HEMK2: variants seen among roughly 807,000 people sequenced by gnomAD.
HEMK2 encodes the protein methyltransferase HEMK2.
the HEMK2 span, among the ~76,000 whole-genome samples, chr21:28,740,817 CT>C: frequency 6.6e-6 from 1 of 152,186 alleles, no homozygotes; most frequent in Admixed American, 6.5e-5. Flanking sequence ...TTCTGCCCAA[CT>C]TCCTGGGCAG....
At chr21:28,779,814 C>T in the HEMK2 span, among the ~76,000 whole-genome samples, 7 of 152,132 alleles carry the variant, frequency 4.6e-5, no homozygotes, top group Non-Finnish European at 1.0e-4. Context: ...AAATACTCAC[C>T]TGAGACTTAG....
chr21:28,666,907 T>C, the HEMK2 span, among the ~76,000 whole-genome samples: 1 of 152,084 alleles, frequency 6.6e-6, no homozygotes, highest in Non-Finnish European at 1.5e-5. Flanking sequence ...AAAAAACTAG[T>C]TGTTATGCAG....
chr21:28,650,260 T>C, the HEMK2 span, among the ~76,000 whole-genome samples: 1 of 152,130 alleles, frequency 6.6e-6, no homozygotes, highest in East Asian at 1.9e-4. Flanking sequence ...CTGGGCGTGG[T>C]GGCAGGTGCC....
the HEMK2 span, among the ~76,000 whole-genome samples, chr21:28,578,995 A>G: frequency 5.9e-5 from 9 of 152,190 alleles, no homozygotes; most frequent in Admixed American, 5.2e-4. Flanking sequence ...TGGGAAAAAA[A>G]TGTTCTTTTG....
chr21:28,830,183 T>C, the HEMK2 span, among the ~76,000 whole-genome samples: 1 of 152,196 alleles, frequency 6.6e-6, no homozygotes, highest in East Asian at 1.9e-4. Flanking sequence ...TTTGATATGG[T>C]TTGGCTCTGT....
the HEMK2 span, among the ~76,000 whole-genome samples, chr21:28,717,806 T>C: frequency 7.2e-5 from 11 of 152,164 alleles, no homozygotes; most frequent in South Asian, 2.3e-3. Flanking sequence ...TTGTGCTTAT[T>C]TGGATCTTCT....
chr21:28,837,519 C>G, the HEMK2 span, among the ~76,000 whole-genome samples: 1 of 152,136 alleles, frequency 6.6e-6, no homozygotes, highest in Non-Finnish European at 1.5e-5. Context: ...TACCACTTAT[C>G]AAAACCTCTG....
chr21:28,831,446 A>AAAAGAAAGAAAGAAAGAAAGAAAG, the HEMK2 span, among the ~76,000 whole-genome samples: 2 of 86,416 alleles, frequency 2.3e-5, no homozygotes. Flanking sequence ...CTCTATCTCA[A>AAAAGAAAGAAAGAAAGAAAGAAAG]AAAGAAAGAA....
chr21:28,865,795 A>G, the HEMK2 span, among the ~76,000 whole-genome samples: 2 of 72,864 alleles, frequency 2.7e-5, no homozygotes, highest in African/African-American at 9.6e-5. Flanking sequence ...GCCATTATCA[A>G]TTCTAGGATG....
chr21:28,771,518 A>ACCCGCCCC, the HEMK2 span, among the ~76,000 whole-genome samples: 1 of 105,594 alleles, frequency 9.5e-6, no homozygotes. Flanking sequence ...AAGATGCACC[A>ACCCGCCCC]CCCCCCCCCG....
the HEMK2 span, among the ~76,000 whole-genome samples, chr21:28,840,813 A>G: frequency 6.6e-6 from 1 of 151,108 alleles, no homozygotes; most frequent in Non-Finnish European, 1.5e-5. Flanking sequence ...AACTAAAAGT[A>G]GAAATACCAT....
At chr21:28,602,443 A>C in the HEMK2 span, among the ~76,000 whole-genome samples, 3 of 152,290 alleles carry the variant, frequency 2.0e-5, no homozygotes, top group South Asian at 4.1e-4. Flanking sequence ...TGTATTCTAC[A>C]TTTTGTGCAT....
the HEMK2 span, among the ~76,000 whole-genome samples, chr21:28,669,217 G>A: frequency 3.4e-4 from 52 of 152,246 alleles, no homozygotes; most frequent in Admixed American, 1.3e-3. Flanking sequence ...AAATTAGCCA[G>A]ATGTGGTGGT....
the HEMK2 span, among the ~76,000 whole-genome samples, chr21:28,697,778 C>CAAAAAAAA: frequency 0.045 from 3,566 of 78,974 alleles, 228 homozygotes; most frequent in East Asian, 0.13. Context: ...ATCATGAGCC[C>CAAAAAAAA]AAAAAAAAAA....
At chr21:28,579,921 A>C in the HEMK2 span, among the ~76,000 whole-genome samples, 1 of 152,340 alleles carries the variant, frequency 6.6e-6, no homozygotes, top group South Asian at 2.1e-4. Context: ...AGCAGCTTAC[A>C]TCATGACTAA....
At chr21:28,647,321 T>TAAAAAAA in the HEMK2 span, among the ~76,000 whole-genome samples, 5 of 46,414 alleles carry the variant, frequency 1.1e-4, no homozygotes, top group African/African-American at 4.5e-4. Context: ...CCATCTCTAC[T>TAAAAAAA]AAAAAAAAAA....
the HEMK2 span, among the ~76,000 whole-genome samples, chr21:28,584,561 T>C: frequency 6.6e-6 from 1 of 152,078 alleles, no homozygotes. Flanking sequence ...GAGAAAAGCA[T>C]ATAAGAAAGT....
chr21:28,788,194 ATATACG>A, the HEMK2 span, among the ~76,000 whole-genome samples: 1 of 149,156 alleles, frequency 6.7e-6, no homozygotes, highest in Non-Finnish European at 1.5e-5. Context: ...ATATATACGT[ATATACG>A]TATATATACG....
chr21:28,879,892 T>C, the HEMK2 span: 30 of 1,599,212 alleles, frequency 1.9e-5, no homozygotes, highest in African/African-American at 2.0e-4. Context: ...AGTCACTACA[T>C]AGGGGGGATT....
Sources: allele counts gnomAD v4.1 joint callset (sites outside exome capture counted in the v4.1 genomes callset), GRCh38; gene constraint gnomAD v4.1.1; transcripts MANE v1.5; gene names NCBI Gene and HGNC (gene_info 2026-07-23, HGNC 2026-07-21).